Variants in FSTL5 observed in about 807,000 individuals in gnomAD.
FSTL5 encodes follistatin-related protein 5.
A neutral mutation model predicts 89.1 loss-of-function variants in FSTL5; 62 were observed. That is an observed-to-expected ratio of 0.70 (90% CI 0.57 to 0.86). FSTL5 has a LOEUF of 0.86. Ranked by LOEUF, FSTL5 falls within the 40% of genes least tolerant of loss-of-function variation. The probability of loss-of-function intolerance (pLI) is 0.00; values close to 1 mark genes in which losing one functional copy is unlikely to be tolerated. For missense variants in FSTL5, 1,057 were observed against 1,001.6 expected (o/e 1.06, Z -0.75); for synonymous variants, 383 against 346.2 (o/e 1.11, Z -1.18).
At chr4:161,739,111 A>G (rs1739914668) in intron 6 of FSTL5, among the ~76,000 whole-genome samples, 2 of 152,184 alleles carry the variant, frequency 1.3e-5, no homozygotes, top group Non-Finnish European at 2.9e-5. Flanking sequence ...CCCCAAATTC[A>G]TATGTTGAAA....
At chr4:162,047,876 G>A (rs150438832) in intron 2 of FSTL5, among the ~76,000 whole-genome samples, 3 of 151,990 alleles carry the variant, frequency 2.0e-5, no homozygotes, top group African/African-American at 7.2e-5. Flanking sequence ...CTATGAGTTC[G>A]CCATATAGTA....
intron 3 of FSTL5, among the ~76,000 whole-genome samples, chr4:161,969,616 G>A (rs1578903094): frequency 6.6e-6 from 1 of 151,972 alleles, no homozygotes; most frequent in South Asian, 2.1e-4. Context: ...AAACAAAAAC[G>A]AACTCATCCT....
intron 3 of FSTL5, among the ~76,000 whole-genome samples, chr4:161,924,651 CACAA>C (rs975171286): frequency 2.6e-5 from 4 of 151,498 alleles, no homozygotes; most frequent in African/African-American, 7.3e-5. Flanking sequence ...TGTAAGACCT[CACAA>C]ACAATGTACC....
At chr4:161,612,027 C>T (rs1393840992) in intron 7 of FSTL5, among the ~76,000 whole-genome samples, 1 of 152,178 alleles carries the variant, frequency 6.6e-6, no homozygotes, top group Non-Finnish European at 1.5e-5. Context: ...TGGCAAAAGC[C>T]AGAGAGCAGA....
At chr4:161,519,022 C>T (rs1730934311) in intron 10 of FSTL5, among the ~76,000 whole-genome samples, 1 of 152,154 alleles carries the variant, frequency 6.6e-6, no homozygotes, top group South Asian at 2.1e-4. Context: ...GCCTAAGTGT[C>T]CTCACATTGT....
intron 13 of FSTL5, among the ~76,000 whole-genome samples, chr4:161,466,056 C>G (rs1733738514): frequency 6.6e-6 from 1 of 152,078 alleles, no homozygotes; most frequent in Admixed American, 6.6e-5. Flanking sequence ...GAACTTTTTA[C>G]CCTATTGCTT....
intron 4 of FSTL5, among the ~76,000 whole-genome samples, chr4:161,884,912 A>C (rs1334953532): frequency 1.3e-5 from 2 of 152,108 alleles, no homozygotes; most frequent in African/African-American, 4.8e-5. Flanking sequence ...ATTTAGATGA[A>C]TTATTCTGGT....
intron 12 of FSTL5, among the ~76,000 whole-genome samples, chr4:161,488,162 C>T (rs1049008180): frequency 2.6e-5 from 4 of 152,086 alleles, no homozygotes; most frequent in African/African-American, 9.7e-5. Flanking sequence ...GAGATTACTG[C>T]TTATAACCAA....
intron 3 of FSTL5, among the ~76,000 whole-genome samples, chr4:161,957,051 T>C (rs892919867): frequency 6.6e-6 from 1 of 151,962 alleles, no homozygotes; most frequent in Non-Finnish European, 1.5e-5. Flanking sequence ...AGTGAGTAGT[T>C]AGGTAAAATA....
In FSTL5 at chr4:161,775,885, A is replaced by T; in HGVS notation, c.599T>A (p.Leu200Gln). ...DSNGLVDINE[L>Q]TQVIKQEELG... Reference sequence around the variant, plus strand: ...TATAGTCACTAATCATACCTGAGTTAGTTCATTAATATCTACAAGTCCATT... The same window carrying T: ...TATAGTCACTAATCATACCTGAGTTTGTTCATTAATATCTACAAGTCCATT... Residue 200 changes from leucine (L) to glutamine (Q), a missense_variant, in exon 5 of 16, where the codon CTA (leucine) becomes CAA (glutamine). By Grantham distance (113) the Leu-to-Gln change is moderately radical. This residue lies in a region of FSTL5 where 980 missense variants were observed against 903.2 expected (regional missense o/e 1.08). Transcript: ENST00000306100. The T allele has an allele frequency of 6.6e-7, 1 of 1,511,634 alleles. No individual in the cohort carries two copies. Among genetic ancestry groups the T allele is most frequent in the Admixed American group, 2.0e-5 (1 of 49,186 alleles). 93.6% of individuals were successfully genotyped at this position (1,511,634 alleles called of 1,614,324 possible). A position where few individuals can be genotyped will look rare whatever the true frequency, so the allele number is the denominator to read the frequency against.
intron 3 of FSTL5, among the ~76,000 whole-genome samples, chr4:161,954,869 G>GA (rs1734987772): frequency 6.6e-6 from 1 of 151,444 alleles, no homozygotes; most frequent in Non-Finnish European, 1.5e-5. Flanking sequence ...CAGATAATGT[G>GA]AAAAATAATG....
intron 8 of FSTL5, among the ~76,000 whole-genome samples, chr4:161,556,302 G>A (rs1732389824): frequency 6.6e-6 from 1 of 151,554 alleles, no homozygotes; most frequent in African/African-American, 2.4e-5. Flanking sequence ...ATTAAAATGT[G>A]TTGCAAAATA....
chr4:161,394,816 G>A (rs1237224963), intron 15 of FSTL5, among the ~76,000 whole-genome samples: 2 of 152,138 alleles, frequency 1.3e-5, no homozygotes, highest in East Asian at 1.9e-4. Flanking sequence ...TTTGGGATAT[G>A]TGCAAATTAG....
rs34074683 is a variant in FSTL5 at position 161,948,292 on chromosome 4, GAAAAA to G, written c.161-27645_161-27641del. ...AGCAAGATCCTGTACCTAAAGAAAT[GAAAAA>G]AAAAAAAAAAAAACTGAAAAAGAGT... On this transcript the variant is annotated intron_variant, in intron 3 of 15. Coordinates refer to ENST00000306100, the MANE Select transcript of FSTL5 (RefSeq NM_020116.5). Among the ~76,000 whole-genome samples the G allele has an allele frequency of 4.3e-3, 484 of 113,756 alleles. 2 individuals carry two copies. Among genetic ancestry groups the G allele is most frequent in the African/African-American group, 0.017 (465 of 27,308 alleles). The allele number at this position is 113,756 out of a possible 152,430, so 74.6% of individuals were successfully genotyped here.
chr4:161,647,638 T>C (rs1255291672), intron 7 of FSTL5, among the ~76,000 whole-genome samples: 4 of 151,996 alleles, frequency 2.6e-5, no homozygotes, highest in Non-Finnish European at 1.5e-5. Flanking sequence ...AGTTGACATA[T>C]TGTATTGTGC....
chr4:161,680,507 T>C (rs573999191), intron 6 of FSTL5, among the ~76,000 whole-genome samples: 65 of 151,976 alleles, frequency 4.3e-4, no homozygotes, highest in South Asian at 1.0e-3. Flanking sequence ...ACTTTAACTT[T>C]TCTCTTTTTG....
chr4:161,606,605 T>C (rs975651404), intron 7 of FSTL5, among the ~76,000 whole-genome samples: 4 of 152,160 alleles, frequency 2.6e-5, no homozygotes, highest in Non-Finnish European at 5.9e-5. Context: ...TGAGATTTCT[T>C]TCTCAGTTGA....
chr4:161,541,389 A>C (rs1228471185), intron 9 of FSTL5, among the ~76,000 whole-genome samples: 4 of 152,032 alleles, frequency 2.6e-5, no homozygotes, highest in African/African-American at 9.7e-5. Context: ...ATTGCTATTA[A>C]ATGGGCAAGA....
At chr4:161,900,746 A>G (rs537143719) in intron 4 of FSTL5, among the ~76,000 whole-genome samples, 1 of 152,076 alleles carries the variant, frequency 6.6e-6, no homozygotes, top group African/African-American at 2.4e-5. Flanking sequence ...ATATACCTCA[A>G]AACATGAGAA....
Sources: allele counts gnomAD v4.1 joint callset (sites outside exome capture counted in the v4.1 genomes callset), GRCh38; gene constraint gnomAD v4.1.1; regional missense constraint gnomAD v4.1.1; transcripts MANE v1.5; gene names NCBI Gene and HGNC (gene_info 2026-07-23, HGNC 2026-07-21).